PTPN14: variants seen among roughly 807,000 people sequenced by gnomAD.
The protein encoded by PTPN14 is tyrosine-protein phosphatase non-receptor type 14.
In PTPN14, 53 loss-of-function variants were observed where a neutral mutation model predicts 126.8. The ratio of observed to expected loss-of-function variants is 0.42; its 90% CI spans 0.34 to 0.53. The LOEUF (loss-of-function observed/expected upper bound fraction) is 0.53. Among genes scored for constraint, PTPN14 ranks in the 20% least tolerant of loss-of-function variants. The pLI is 0.08. For synonymous variants in PTPN14, 630 were observed against 599.3 expected, an observed-to-expected ratio of 1.05 and a Z score of -0.75; for missense variants, 1,257 against 1,552.9, an observed-to-expected ratio of 0.81 and a Z score of 3.20.
Position 214,384,277 on chromosome 1 carries a change from G to T in PTPN14, c.1578C>A (p.Ser526Arg). Residue 526 changes from serine to arginine, a missense_variant, in exon 13 of 19, where the codon AGC becomes AGA. Physicochemically the swap from Ser to Arg is moderately radical, Grantham distance 110. Transcript: ENST00000366956. This position sits in a 1 kb window ranked among gnomAD's most constrained non-coding sequence, Gnocchi z 5.3. ...QRNPKNNVVP[S>R]KPGASAISHT... is the part of the protein sequence containing the mutation. ...GCGAGATGGCGCTTGCCCCCGGCTT[G>T]CTTGGTACCACATTATTCTTTGGGT... is the stretch of plus-strand genomic sequence containing the variant. 6.2e-7 allele frequency: 1 copy of T among 1,614,192 alleles called. No homozygotes were observed. The highest frequency in any genetic ancestry group is 1.1e-5 in the South Asian group (1 of 91,086).
intron 5 of PTPN14, among the ~76,000 whole-genome samples, chr1:214,405,629 G>C (rs1164316096): frequency 6.7e-6 from 1 of 148,442 alleles, no homozygotes; most frequent in African/African-American, 2.5e-5. Flanking sequence ...AAAAAGCATA[G>C]AGTGATGTTA....
At chr1:214,448,504 A>G (rs1427815281) in intron 3 of PTPN14, among the ~76,000 whole-genome samples, 1 of 151,048 alleles carries the variant, frequency 6.6e-6, no homozygotes, top group East Asian at 2.0e-4. Context: ...TCGGTCTCCC[A>G]AAGTGCTGGG....
rs1218396749 is a variant in PTPN14 at position 214,350,904 on chromosome 1, A to T, written c.*7018T>A. 1 of 151,740 alleles carries T rather than the reference A, an allele frequency of 6.6e-6. No homozygotes were observed. The highest frequency in any genetic ancestry group is 1.5e-5 in the Non-Finnish European group (1 of 67,938). 9.4% of individuals were successfully genotyped at this position (151,740 alleles called of 1,614,324 possible). On this transcript the variant is annotated 3_prime_UTR_variant, in exon 19 of 19. Transcript: ENST00000366956. The stretch of plus-strand genomic sequence containing the variant: ...CTTTGAAACTATACAAGCAATTTTT[A>T]AAAAATTAAAATAAGATTTCCTAAT...
intron 5 of PTPN14, among the ~76,000 whole-genome samples, chr1:214,407,392 G>A (rs1437162700): frequency 6.6e-6 from 1 of 151,996 alleles, no homozygotes; most frequent in African/African-American, 2.4e-5. Flanking sequence ...GCTGGGCATG[G>A]TGGTGGGCAT....
chr1:214,399,002 C>T (rs367679280), intron 7 of PTPN14, among the ~76,000 whole-genome samples: 131 of 142,646 alleles, frequency 9.2e-4, no homozygotes, highest in African/African-American at 3.2e-3. Flanking sequence ...CTCTTGACCT[C>T]GTGATCCACC....
intron 1 of PTPN14, among the ~76,000 whole-genome samples, chr1:214,523,544 G>C (rs1469506991): frequency 1.3e-5 from 2 of 152,172 alleles, no homozygotes; most frequent in Non-Finnish European, 2.9e-5. Flanking sequence ...CTACCATCTA[G>C]GTTTGTGTAA....
intron 1 of PTPN14, among the ~76,000 whole-genome samples, chr1:214,545,381 A>G (rs1260430060): frequency 6.6e-6 from 1 of 152,162 alleles, no homozygotes; most frequent in Non-Finnish European, 1.5e-5. Flanking sequence ...CAGAACATGG[A>G]GAAAGGTACC....
chr1:214,399,603 A>G (rs1422668600), intron 7 of PTPN14, among the ~76,000 whole-genome samples: 1 of 152,224 alleles, frequency 6.6e-6, no homozygotes, highest in Non-Finnish European at 1.5e-5. Flanking sequence ...TCACCTCTTA[A>G]AGCTCTCGAT....
intron 4 of PTPN14, 111 bp downstream of exon 4, chr1:214,414,518 G>A: frequency 1.1e-6 from 1 of 939,248 alleles, no homozygotes; most frequent in South Asian, 1.6e-5. Flanking sequence ...TAAAAAGGGA[G>A]CATTACTAAG....
At chr1:214,386,375 C>T (rs1347558793) in intron 12 of PTPN14, among the ~76,000 whole-genome samples, 1 of 152,062 alleles carries the variant, frequency 6.6e-6, no homozygotes, top group Non-Finnish European at 1.5e-5. Context: ...AAGAAAAAAG[C>T]AAGTGTACCA....
At position 214,364,890 on chromosome 1, in the gene PTPN14, C is replaced by A. The variant is rs1658045786; in HGVS notation, c.3272-215G>T. 6.6e-6 allele frequency among the ~76,000 whole-genome samples: 1 copy of A among 151,612 alleles called. No individual in the cohort carries two copies. The highest frequency in any genetic ancestry group is 6.6e-5 in the Admixed American group (1 of 15,208). On this transcript the variant is annotated intron_variant, in intron 17 of 18. Coordinates refer to ENST00000366956, the MANE Select transcript of PTPN14 (RefSeq NM_005401.5). The surrounding 1 kb of genome is among the most constrained non-coding windows in gnomAD (Gnocchi z 4.1). ...TGTACAGTCCTGGATCCAGACAGGA[C>A]CAGCTGGGAGTCAATTAGTTCGTGG...
At chr1:214,382,148 A>G (rs919879281) in intron 13 of PTPN14, among the ~76,000 whole-genome samples, 10 of 152,112 alleles carry the variant, frequency 6.6e-5, no homozygotes, top group African/African-American at 2.4e-4. Context: ...TGATCTGCCC[A>G]CCTCGGCCTC....
chr1:214,488,746 T>C (rs1330282344), intron 1 of PTPN14, among the ~76,000 whole-genome samples: 2 of 152,198 alleles, frequency 1.3e-5, no homozygotes, highest in African/African-American at 2.4e-5. Flanking sequence ...AGAGGGCAAA[T>C]GGCCTTCTCT....
chr1:214,526,868 G>GA (rs1475804287), intron 1 of PTPN14, among the ~76,000 whole-genome samples: 33 of 152,164 alleles, frequency 2.2e-4, no homozygotes, highest in African/African-American at 8.0e-4. Context: ...AACGCGGGGG[G>GA]ATCACCTGAG....
At position 214,350,339 on chromosome 1, in the gene PTPN14, T is replaced by C. The variant is rs77502835; in HGVS notation, c.*7583A>G. ...ATACATCAGTCTGCCAAATGCAGCCTCTCTCAATCTATATAAGTTCACCTC... is the reference window on the plus strand; with the variant it reads ...ATACATCAGTCTGCCAAATGCAGCCCCTCTCAATCTATATAAGTTCACCTC... On this transcript the variant is annotated 3_prime_UTR_variant, in exon 19 of 19. Coordinates refer to ENST00000366956, the MANE Select transcript of PTPN14 (RefSeq NM_005401.5). The C allele has an allele frequency of 0.15, 22,480 of 152,060 alleles. 2,144 individuals carry two copies. The highest frequency in any genetic ancestry group is 0.25 in the East Asian group (1,281 of 5,164). 9.4% of individuals were successfully genotyped at this position (152,060 alleles called of 1,614,324 possible).
At chr1:214,395,588 A>AACACACACACACACACACACACACAC (rs57357032) in intron 8 of PTPN14, among the ~76,000 whole-genome samples, 3 of 132,544 alleles carry the variant, frequency 2.3e-5, no homozygotes, top group East Asian at 2.6e-4. Flanking sequence ...GGGACCCAAC[A>AACACACACACACACACACACACACAC]ACACACACAC....
At chr1:214,524,435 T>C (rs953544467) in intron 1 of PTPN14, among the ~76,000 whole-genome samples, 2 of 151,918 alleles carry the variant, frequency 1.3e-5, no homozygotes, top group African/African-American at 4.8e-5. Flanking sequence ...TAGGACTGCT[T>C]GAGTCCAGGA....
rs527544386 is a variant in PTPN14, at chr1:214,462,924, T to C, written c.174+1706A>G. 2.0e-5 allele frequency among the ~76,000 whole-genome samples: 3 copies of C among 152,320 alleles called. No homozygotes were observed. The South Asian group carries it at 6.2e-4, about 32-fold the overall frequency. On this transcript the variant is annotated intron_variant, in intron 2 of 18. Transcript: ENST00000366956. ...AATTATAAATTATTAAACACAGCAC[T>C]ATACATTTTCCATACAGGAACTCTT...
At position 214,397,908 on chromosome 1, in the gene PTPN14, A is replaced by C. The variant is rs11580603; in HGVS notation, c.758+5T>G. ...GAAAAAAGAAAAACAAACAAATAAG[A>C]CTACCTGTATATTACCGCTTGTCTT... is the stretch of plus-strand genomic sequence containing the variant. On this transcript the variant is annotated splice_donor_5th_base_variant and intron_variant, in intron 8 of 18. Transcript: ENST00000366956. 0.38 allele frequency: 596,056 copies of C among 1,577,804 alleles called. 115,400 individuals carry two copies. The highest frequency in any genetic ancestry group is 0.46 in the East Asian group (20,324 of 44,638).
Sources: gnomAD v4.1 joint callset for allele counts (sites outside exome capture counted in the v4.1 genomes callset) on GRCh38, gnomAD v4.1.1 for gene constraint, Gnocchi (gnomAD v3.1) non-coding constraint, MANE v1.5 for transcripts, NCBI Gene and HGNC (gene_info 2026-07-23, HGNC 2026-07-21) for gene names.